The following CFAP61 variants were observed in gnomAD, a reference collection of about 807,000 sequenced individuals.
The protein encoded by CFAP61 is cilia and flagella associated protein 61, also known as cilia- and flagella-associated protein 61.
Under a neutral mutation model 135.6 loss-of-function variants are expected in CFAP61, and 107 were observed. The ratio of observed to expected loss-of-function variants is 0.79; its 90% CI spans 0.67 to 0.93. The LOEUF (loss-of-function observed/expected upper bound fraction) is 0.93, where lower values mean the gene tolerates loss of function less well. CFAP61 is among the 40% of genes least tolerant of loss of function. CFAP61 has a pLI of 0.00. For synonymous variants in CFAP61, 575 were observed against 578.5 expected (o/e 0.99, Z 0.09); for missense variants, 1,507 against 1,556.2 (o/e 0.97, Z 0.53).
At chr20:20,210,567 A>T (rs1245636435) in intron 17 of CFAP61, among the ~76,000 whole-genome samples, 1 of 152,206 alleles carries the variant, frequency 6.6e-6, no homozygotes, top group East Asian at 1.9e-4. Context: ...GCAGAAATGA[A>T]ACACATCTGC....
intron 8 of CFAP61, among the ~76,000 whole-genome samples, chr20:20,118,358 TA>T (rs144223509): frequency 0.08 from 11,650 of 146,022 alleles, 1,274 homozygotes; most frequent in East Asian, 0.58. Flanking sequence ...TTTTTTTTTT[TA>T]AACAGGGTTT....
At chr20:20,253,544 C>A (rs555508674) in intron 20 of CFAP61, 1 of 481,710 alleles carries the variant, frequency 2.1e-6, no homozygotes, top group Non-Finnish European at 4.1e-6. Context: ...TAAACCCTTA[C>A]GTTCAGCATG....
chr20:20,104,428 T>C (rs2048237871), intron 8 of CFAP61, among the ~76,000 whole-genome samples: 1 of 152,166 alleles, frequency 6.6e-6, no homozygotes, highest in African/African-American at 2.4e-5. Context: ...ATGGCTACAT[T>C]AAGTCTTATT....
intron 18 of CFAP61, among the ~76,000 whole-genome samples, chr20:20,233,651 G>A (rs2032003527): frequency 1.3e-5 from 2 of 152,208 alleles, no homozygotes; most frequent in Admixed American, 1.3e-4. Flanking sequence ...TCTGCCACCA[G>A]AGAATAAGGA....
rs2059427629 is a variant in CFAP61, at chr20:20,360,301, G to C, written c.3605G>C (p.Arg1202Thr). The C allele has an allele frequency of 6.2e-7, 1 of 1,613,388 alleles. No homozygotes were observed. The highest frequency in any genetic ancestry group is 2.2e-5 in the East Asian group (1 of 44,876). The change falls in exon 27 of 27, where the codon AGA becomes ACA. Residue 1202 changes from arginine (R) to threonine (T), a missense_variant. By Grantham distance (71) the Arg-to-Thr change is moderately conservative (BLOSUM62 -1). Transcript: ENST00000245957. The stretch of plus-strand genomic sequence containing the variant: ...GAGAAGCCCAGGCAATACCTCAAAA[G>C]AGTTTTTGAGGAATCCATCTACAAA... ...PTEKPRQYLK[R>T]VFEESIYKTL...
chr20:20,206,971 T>C (rs1270440188), intron 17 of CFAP61, among the ~76,000 whole-genome samples: 1 of 152,232 alleles, frequency 6.6e-6, no homozygotes, highest in African/African-American at 2.4e-5. Context: ...TGAAGGGCAA[T>C]GTCTCAACTG....
chr20:20,272,234 G>A (rs2053411511), intron 21 of CFAP61, among the ~76,000 whole-genome samples: 1 of 152,104 alleles, frequency 6.6e-6, no homozygotes, highest in African/African-American at 2.4e-5. Context: ...GAGGCCCAGA[G>A]TTCACTACCA....
chr20:20,190,607 A>G (rs915519140), intron 14 of CFAP61, among the ~76,000 whole-genome samples: 3 of 152,016 alleles, frequency 2.0e-5, no homozygotes, highest in Non-Finnish European at 1.5e-5. Flanking sequence ...CACCCCCACA[A>G]TTGTATCAAT....
chr20:20,356,350 CTG>C (rs2059162648), intron 26 of CFAP61, among the ~76,000 whole-genome samples: 6 of 23,134 alleles, frequency 2.6e-4, no homozygotes, highest in African/African-American at 4.6e-4. Context: ...GGTGGTCATA[CTG>C]TGAGGGGAAG....
At chr20:20,088,155 G>A (rs1270805586) in intron 6 of CFAP61, among the ~76,000 whole-genome samples, 2 of 152,158 alleles carry the variant, frequency 1.3e-5, no homozygotes, top group African/African-American at 4.8e-5. Flanking sequence ...TGATGCCCTT[G>A]CATCATGGAA....
At chr20:20,313,361 C>T (rs1442374940) in intron 25 of CFAP61, among the ~76,000 whole-genome samples, 2 of 152,200 alleles carry the variant, frequency 1.3e-5, no homozygotes, top group African/African-American at 4.8e-5. Context: ...CAATCTATAG[C>T]ATTTTGTTAT....
At chr20:20,165,545 C>T (rs2053760722) in intron 11 of CFAP61, among the ~76,000 whole-genome samples, 1 of 151,814 alleles carries the variant, frequency 6.6e-6, no homozygotes, top group Admixed American at 6.6e-5. Flanking sequence ...ATGTTCAGTG[C>T]TTGCTGTTCT....
intron 22 of CFAP61, among the ~76,000 whole-genome samples, chr20:20,288,216 G>A (rs1421013117): frequency 2.0e-5 from 3 of 152,140 alleles, no homozygotes; most frequent in South Asian, 2.1e-4. Context: ...GCAGAGACCC[G>A]AGTGTCAGAC....
At chr20:20,149,581 C>T (rs773253770) in intron 9 of CFAP61, among the ~76,000 whole-genome samples, 2 of 152,132 alleles carry the variant, frequency 1.3e-5, no homozygotes, top group African/African-American at 2.4e-5. Context: ...TCCCCACTGG[C>T]GAATCTGAAA....
chr20:20,356,559 G>A (rs2059183489), intron 26 of CFAP61, among the ~76,000 whole-genome samples: 1 of 118,788 alleles, frequency 8.4e-6, no homozygotes, highest in Non-Finnish European at 1.9e-5. Flanking sequence ...ACTGAGGGGA[G>A]GTGGTCATAG....
chr20:20,073,084 A>G (rs958358066), intron 3 of CFAP61, among the ~76,000 whole-genome samples: 4 of 152,236 alleles, frequency 2.6e-5, no homozygotes, highest in African/African-American at 4.8e-5. Context: ...TTAAAGCTAA[A>G]GAATAAATCT....
chr20:20,284,039 C>T (rs1055268439), intron 22 of CFAP61, among the ~76,000 whole-genome samples: 2 of 152,142 alleles, frequency 1.3e-5, no homozygotes, highest in African/African-American at 2.4e-5. Context: ...AGACTTCTGC[C>T]TACCACATGC....
chr20:20,190,599 C>A (rs2055851770), intron 14 of CFAP61, among the ~76,000 whole-genome samples: 1 of 152,070 alleles, frequency 6.6e-6, no homozygotes, highest in Non-Finnish European at 1.5e-5. Context: ...CACACACACA[C>A]CCCCACAATT....
chr20:20,265,493 G>A (rs1334310986), intron 21 of CFAP61: 1 of 779,638 alleles, frequency 1.3e-6, no homozygotes, highest in South Asian at 1.3e-5. Flanking sequence ...CCCCTTAAAG[G>A]GAAATGTTTT....
Sources: allele counts gnomAD v4.1 joint callset (sites outside exome capture counted in the v4.1 genomes callset), GRCh38; gene constraint gnomAD v4.1.1; transcripts MANE v1.5; gene names NCBI Gene and HGNC (gene_info 2026-07-23, HGNC 2026-07-21).